SNX29: variants seen among roughly 807,000 people sequenced by gnomAD.
The protein encoded by SNX29 is sorting nexin 29.
In SNX29, 78 loss-of-function variants were observed where a neutral mutation model predicts 102.1. The observed-to-expected ratio is 0.76, with a 90% CI of 0.64 to 0.92. The LOEUF (loss-of-function observed/expected upper bound fraction) is 0.92, where lower values mean the gene tolerates loss of function less well. Ranked by LOEUF, SNX29 falls within the 40% of genes least tolerant of loss-of-function variation. The probability of loss-of-function intolerance (pLI) is 0.00; values close to 1 mark genes in which losing one functional copy is unlikely to be tolerated. For missense variants in SNX29, 1,280 were observed against 1,061.7 expected, an observed-to-expected ratio of 1.21 and a Z score of -2.86; for synonymous variants, 580 against 414.5, an observed-to-expected ratio of 1.40 and a Z score of -4.85.
intron 20 of SNX29, chr16:12,527,402 C>G (rs1029781907): frequency 2.1e-6 from 1 of 471,000 alleles, no homozygotes; most frequent in African/African-American, 2.0e-5. Context: ...AATAAACCCC[C>G]AAAGCATAAT....
Position 12,052,008 on chromosome 16 carries a change from A to G in SNX29, c.910A>G (p.Met304Val), listed in dbSNP as rs1325515953. The G allele has an allele frequency of 1.9e-6, 3 of 1,613,948 alleles. No individual in the cohort carries two copies. Among genetic ancestry groups the G allele is most frequent in the Non-Finnish European group, 8.5e-7 (1 of 1,179,848 alleles). The change falls in exon 8 of 21, where the codon ATG becomes GTG. Residue 304 changes from methionine to valine, a missense_variant. By Grantham distance (21) the Met-to-Val change is conservative. Coordinates refer to ENST00000566228, the MANE Select transcript of SNX29 (RefSeq NM_032167.5). Reference sequence around the variant, plus strand: ...CTCCGACCGCTCCTCTGTCAATATCATGTCCGCCTTTGAAAGCCCCTTCGG... The same window carrying G: ...CTCCGACCGCTCCTCTGTCAATATCGTGTCCGCCTTTGAAAGCCCCTTCGG... ...DNSDRSSVNIMSAFESPFGPN... is the reference protein window; with the variant it reads ...DNSDRSSVNIVSAFESPFGPN...
rs952701033 is a variant in SNX29 at position 12,027,212 on chromosome 16, CG to C, written c.123-107del. The C allele has an allele frequency of 3.6e-5, 50 of 1,404,064 alleles. No homozygotes were observed. The Middle Eastern group carries it at 1.4e-3, about 40-fold the overall frequency. 87.0% of individuals were successfully genotyped at this position (1,404,064 alleles called of 1,614,324 possible). A position where few individuals can be genotyped will look rare whatever the true frequency, so the allele number is the denominator to read the frequency against. ...TCCAGGTGTCTCCTGTCTGCCTTCA[CG>C]CTGAGGTTTACACCTGGCGGCTTAC... On this transcript the variant is annotated intron_variant, in intron 3 of 20. Transcript: ENST00000566228.
At chr16:12,181,839 C>T (rs1342748536) in intron 13 of SNX29, among the ~76,000 whole-genome samples, 4 of 151,256 alleles carry the variant, frequency 2.6e-5, no homozygotes, top group Non-Finnish European at 5.9e-5. Context: ...ATGGGGGTAC[C>T]TTGTCACCTA....
chr16:12,188,418 A>G (rs2076565055), intron 13 of SNX29, among the ~76,000 whole-genome samples: 1 of 152,202 alleles, frequency 6.6e-6, no homozygotes, highest in South Asian at 2.1e-4. Flanking sequence ...AAGTGCTGAA[A>G]TGAGCTGCCT....
intron 15 of SNX29, among the ~76,000 whole-genome samples, chr16:12,352,061 A>T (rs1386631028): frequency 6.6e-6 from 1 of 152,188 alleles, no homozygotes; most frequent in African/African-American, 2.4e-5. Flanking sequence ...CCCAGCCATG[A>T]TTTGTTAAAT....
At chr16:12,229,948 G>A (rs1189820047) in intron 14 of SNX29, among the ~76,000 whole-genome samples, 1 of 152,298 alleles carries the variant, frequency 6.6e-6, no homozygotes, top group African/African-American at 2.4e-5. Flanking sequence ...TAAAAGGCTG[G>A]ATAGTAAATA....
intron 15 of SNX29, among the ~76,000 whole-genome samples, chr16:12,294,204 C>G (rs1304308630): frequency 2.0e-5 from 3 of 152,230 alleles, no homozygotes; most frequent in Non-Finnish European, 4.4e-5. Context: ...GCCTGGGAAT[C>G]ATCATTTCCA....
At chr16:12,326,845 G>A (rs209839) in intron 15 of SNX29, among the ~76,000 whole-genome samples, 60,360 of 152,122 alleles carry the variant, frequency 0.4, 13,751 homozygotes, top group Non-Finnish European at 0.54. Flanking sequence ...TGCGGGAGGT[G>A]TGAGGTGGGG....
intron 7 of SNX29, among the ~76,000 whole-genome samples, chr16:12,050,364 A>G (rs1051032215): frequency 6.6e-6 from 1 of 152,224 alleles, no homozygotes; most frequent in Non-Finnish European, 1.5e-5. Context: ...GGCAAGCTTG[A>G]TTTCTTTTTC....
intron 11 of SNX29, among the ~76,000 whole-genome samples, chr16:12,116,531 G>C (rs976266650): frequency 6.6e-6 from 1 of 152,126 alleles, no homozygotes; most frequent in African/African-American, 2.4e-5. Context: ...AAAATTAGCC[G>C]GGTGTGGTGG....
chr16:12,380,137 C>T (rs574544395), intron 16 of SNX29, among the ~76,000 whole-genome samples: 12 of 138,314 alleles, frequency 8.7e-5, no homozygotes, highest in African/African-American at 2.7e-4. Context: ...CACATGAGAC[C>T]CCAGGAAGAG....
chr16:12,539,751 C>T (rs186408680), intron 20 of SNX29, among the ~76,000 whole-genome samples: 171 of 152,306 alleles, frequency 1.1e-3, no homozygotes, highest in Non-Finnish European at 1.4e-3. Context: ...AATATTTCAT[C>T]ATGGTCTTAA....
At chr16:12,195,104 G>T (rs562680904) in intron 13 of SNX29, among the ~76,000 whole-genome samples, 2 of 152,318 alleles carry the variant, frequency 1.3e-5, no homozygotes, top group East Asian at 3.9e-4. Context: ...AGGGGTTAGA[G>T]TAAATACACT....
At chr16:12,317,390 A>C (rs2080785072) in intron 15 of SNX29, among the ~76,000 whole-genome samples, 1 of 152,184 alleles carries the variant, frequency 6.6e-6, no homozygotes, top group South Asian at 2.1e-4. Context: ...AGCCCTCACA[A>C]ATAAGCTGTC....
At chr16:12,172,446 A>G (rs74724982) in intron 13 of SNX29, among the ~76,000 whole-genome samples, 2,292 of 152,230 alleles carry the variant, frequency 0.015, 20 homozygotes, top group Non-Finnish European at 0.024. Flanking sequence ...ATGGAGGAAA[A>G]GCTTGGGTGG....
intron 20 of SNX29, among the ~76,000 whole-genome samples, chr16:12,530,445 C>T (rs1026166363): frequency 2.6e-5 from 4 of 152,180 alleles, no homozygotes; most frequent in African/African-American, 9.7e-5. Flanking sequence ...TGCACACCTA[C>T]CCTTGCACTC....
intron 19 of SNX29, among the ~76,000 whole-genome samples, chr16:12,511,779 C>T (rs552420161): frequency 6.6e-6 from 1 of 152,072 alleles, no homozygotes; most frequent in Non-Finnish European, 1.5e-5. Context: ...CCCCCCTCCC[C>T]CGCAACTTTA....
intron 20 of SNX29, among the ~76,000 whole-genome samples, chr16:12,530,005 T>C (rs1206646633): frequency 6.6e-6 from 1 of 152,188 alleles, no homozygotes; most frequent in Non-Finnish European, 1.5e-5. Context: ...GTTAGGTGTG[T>C]GTTCAGTAAA....
At position 11,999,368 on chromosome 16, in the gene SNX29, A is replaced by C. The variant is rs577433093; in HGVS notation, c.69+10A>C. The C allele has an allele frequency of 1.2e-5, 19 of 1,613,902 alleles. No homozygotes were observed. The South Asian group carries it at 1.6e-4, about 14-fold the overall frequency. On this transcript the variant is annotated intron_variant, in intron 2 of 20. Transcript: ENST00000566228. ...GGATGCAGTGAAACAGGTAAGCAGA[A>C]AGCACACATTTGCCTTTTTGGTCGA... is the stretch of plus-strand genomic sequence containing the variant.
Sources: gnomAD v4.1 joint callset for allele counts (sites outside exome capture counted in the v4.1 genomes callset) on GRCh38, gnomAD v4.1.1 for gene constraint, MANE v1.5 for transcripts, NCBI Gene and HGNC (gene_info 2026-07-23, HGNC 2026-07-21) for gene names.